The following ZNF423 variants were observed in gnomAD, a reference collection of about 807,000 sequenced individuals.
The protein encoded by ZNF423 is zinc finger protein 423, also known as Ebf-associated zinc finger protein.
A neutral mutation model predicts 95.8 loss-of-function variants in ZNF423; 12 were observed. The observed-to-expected ratio is 0.13, with a 90% CI of 0.08 to 0.20. ZNF423 has a LOEUF of 0.20. Ranked by LOEUF, ZNF423 falls within the 10% of genes least tolerant of loss-of-function variation. The pLI is 1.00. For synonymous variants in ZNF423, 749 were observed against 711.9 expected, an observed-to-expected ratio of 1.05 and a Z score of -0.83; for missense variants, 1,316 against 1,737.1, an observed-to-expected ratio of 0.76 and a Z score of 4.31.
At chr16:49,859,235 G>A (rs1285034554), upstream of ZNF423, among the ~76,000 whole-genome samples, 3 of 152,084 alleles carry the variant, frequency 2.0e-5, no homozygotes, top group African/African-American at 4.8e-5. Flanking sequence ...ACAGGATGGG[G>A]AGCCCGCAAT....
chr16:49,769,746 G>A (rs1196383142), intron 2 of ZNF423, among the ~76,000 whole-genome samples: 2 of 113,424 alleles, frequency 1.8e-5, no homozygotes, highest in African/African-American at 7.0e-5. Flanking sequence ...CTGACCTCAC[G>A]CTCCCCCCAC....
intron 1 of ZNF423, among the ~76,000 whole-genome samples, chr16:49,828,503 A>G (rs2035029081): frequency 6.6e-6 from 1 of 152,256 alleles, no homozygotes; most frequent in South Asian, 2.1e-4. Context: ...ACTGAAAAAG[A>G]AAAGGCAACA....
chr16:49,757,377 G>A (rs2033746807), intron 2 of ZNF423, among the ~76,000 whole-genome samples: 1 of 152,194 alleles, frequency 6.6e-6, no homozygotes, highest in African/African-American at 2.4e-5. Flanking sequence ...CCACTATCCT[G>A]TTCCCATGTA....
At chr16:49,717,436 T>A (rs570944717) in intron 3 of ZNF423, among the ~76,000 whole-genome samples, 17 of 152,350 alleles carry the variant, frequency 1.1e-4, no homozygotes, top group African/African-American at 3.8e-4. Context: ...AGGCTGCTTC[T>A]GCGGCCAGCA....
chr16:49,693,865 G>T (rs1249531531), intron 3 of ZNF423, among the ~76,000 whole-genome samples: 3 of 152,230 alleles, frequency 2.0e-5, no homozygotes, highest in African/African-American at 7.2e-5. Flanking sequence ...CAGGCCTGAA[G>T]GTTTATCCTT....
intron 7 of ZNF423, among the ~76,000 whole-genome samples, chr16:49,504,323 T>G (rs1282312633): frequency 6.6e-6 from 1 of 152,160 alleles, no homozygotes; most frequent in Non-Finnish European, 1.5e-5. Flanking sequence ...CCCAGCACCT[T>G]GGGAGGCCAG....
intron 5 of ZNF423, among the ~76,000 whole-genome samples, chr16:49,592,675 G>A (rs539893064): frequency 2.0e-5 from 3 of 152,200 alleles, no homozygotes; most frequent in African/African-American, 7.2e-5. Flanking sequence ...AGTCAGCCAC[G>A]TGCAACCAGA....
chr16:49,505,296 C>T (rs140141485), intron 7 of ZNF423, among the ~76,000 whole-genome samples: 1 of 152,266 alleles, frequency 6.6e-6, no homozygotes, highest in African/African-American at 2.4e-5. Flanking sequence ...TTCAGGTCCC[C>T]AAACTAACCC....
intron 2 of ZNF423, among the ~76,000 whole-genome samples, chr16:49,741,417 G>T (rs1160975032): frequency 6.6e-6 from 1 of 151,948 alleles, no homozygotes; most frequent in African/African-American, 2.4e-5. Flanking sequence ...TGAGGCAGGA[G>T]AATCACTTGA....
At chr16:49,546,833 T>A (rs1969459924) in intron 5 of ZNF423, among the ~76,000 whole-genome samples, 1 of 152,080 alleles carries the variant, frequency 6.6e-6, no homozygotes, top group African/African-American at 2.4e-5. Context: ...GAAAGAGAAT[T>A]CATTCTTCAA....
At chr16:49,729,422 G>T (rs1011980107) in intron 3 of ZNF423, among the ~76,000 whole-genome samples, 8 of 152,002 alleles carry the variant, frequency 5.3e-5, no homozygotes, top group Non-Finnish European at 8.8e-5. Flanking sequence ...ATGTGACCCC[G>T]GCCAAGCAAT....
At chr16:49,626,371 A>G (rs1192736233) in intron 4 of ZNF423, 117 bp from the exon 5 acceptor site, 10 of 814,814 alleles carry the variant, frequency 1.2e-5, no homozygotes, top group Non-Finnish European at 2.0e-5. Flanking sequence ...GTCCCCTCCT[A>G]GGTCTCCCCA....
intron 3 of ZNF423, among the ~76,000 whole-genome samples, chr16:49,684,927 A>G (rs1861340): frequency 0.91 from 139,172 of 152,292 alleles, 63,727 homozygotes; most frequent in African/African-American, 0.97. Flanking sequence ...CACGCAATCT[A>G]GACAGCGGGC....
chr16:49,711,865 T>C (rs528000480), intron 3 of ZNF423: 2 of 152,232 alleles, frequency 1.3e-5, no homozygotes, highest in Admixed American at 1.3e-4. Context: ...TCCCAACACT[T>C]TGGGAGGCTG....
chr16:49,594,577 A>G (rs1330248080), intron 5 of ZNF423, among the ~76,000 whole-genome samples: 1 of 152,192 alleles, frequency 6.6e-6, no homozygotes, highest in African/African-American at 2.4e-5. Context: ...AGATAAACCC[A>G]CAGATCCAAA....
chr16:49,541,618 T>C (rs1969249807), intron 5 of ZNF423, among the ~76,000 whole-genome samples: 1 of 152,200 alleles, frequency 6.6e-6, no homozygotes, highest in Non-Finnish European at 1.5e-5. Flanking sequence ...CTTTGTAATT[T>C]ATATGGTTTG....
intron 7 of ZNF423, chr16:49,518,082 T>G: frequency 2.2e-6 from 1 of 447,900 alleles, no homozygotes; most frequent in Non-Finnish European, 4.5e-6. Context: ...AGGATCACAC[T>G]GACAATGGAA....
chr16:49,783,140 C>T (rs748773865), intron 2 of ZNF423, among the ~76,000 whole-genome samples: 1 of 151,960 alleles, frequency 6.6e-6, no homozygotes, highest in African/African-American at 2.4e-5. Context: ...TTCCAAAGGG[C>T]TTGTGGGAAG....
chr16:49,858,393 C>T (rs1239300759), upstream of ZNF423, among the ~76,000 whole-genome samples: 1 of 151,960 alleles, frequency 6.6e-6, no homozygotes, highest in Non-Finnish European at 1.5e-5. The surrounding 1 kb of genome is among the most constrained non-coding windows in gnomAD (Gnocchi z 4.3). Context: ...ATGCCACCCA[C>T]GCACCCCCGC....
Sources: gnomAD v4.1 joint callset for allele counts (sites outside exome capture counted in the v4.1 genomes callset) on GRCh38, gnomAD v4.1.1 for gene constraint, Gnocchi (gnomAD v3.1) non-coding constraint, MANE v1.5 for transcripts, NCBI Gene and HGNC (gene_info 2026-07-23, HGNC 2026-07-21) for gene names.